ELMO1: variants seen among roughly 807,000 people sequenced by gnomAD.
The protein encoded by ELMO1 is engulfment and cell motility protein 1.
ELMO1 carries 26 observed loss-of-function variants against 98.9 expected under a neutral mutation model. That is an observed-to-expected ratio of 0.26 (90% CI 0.19 to 0.36). The LOEUF is 0.36. Among genes scored for constraint, ELMO1 ranks in the 10% least tolerant of loss-of-function variants. The pLI is 1.00. For missense variants in ELMO1, 627 were observed against 935.2 expected (o/e 0.67, Z 4.30); for synonymous variants, 346 against 346.0 (o/e 1.00, Z 0.00).
intron 13 of ELMO1, among the ~76,000 whole-genome samples, chr7:37,149,253 C>G (rs1278033364): frequency 1.3e-5 from 2 of 152,222 alleles, no homozygotes; most frequent in African/African-American, 4.8e-5. Context: ...AAAAACCTTT[C>G]TCCCTGAAGA....
chr7:37,106,565 C>T (rs1784957918), intron 14 of ELMO1, among the ~76,000 whole-genome samples: 1 of 152,084 alleles, frequency 6.6e-6, no homozygotes, highest in South Asian at 2.1e-4. Context: ...TTATAACTTA[C>T]CCAGTCTAGG....
intron 16 of ELMO1, among the ~76,000 whole-genome samples, chr7:36,976,409 G>A (rs1250418749): frequency 6.6e-6 from 1 of 152,168 alleles, no homozygotes; most frequent in Non-Finnish European, 1.5e-5. Flanking sequence ...GTGAACAGAA[G>A]GTGCTAATAA....
At chr7:37,350,430 G>C (rs1801208278) in intron 1 of ELMO1, among the ~76,000 whole-genome samples, 1 of 152,186 alleles carries the variant, frequency 6.6e-6, no homozygotes, top group Non-Finnish European at 1.5e-5. Context: ...CATCATGAAG[G>C]CTAGGGGACA....
chr7:36,994,655 C>CT (rs1360581394), intron 16 of ELMO1, among the ~76,000 whole-genome samples: 1 of 152,256 alleles, frequency 6.6e-6, no homozygotes, highest in Non-Finnish European at 1.5e-5. Context: ...CTGAGAGGGA[C>CT]TAGGGTGCTC....
chr7:37,279,889 C>T (rs1463654154), intron 4 of ELMO1, among the ~76,000 whole-genome samples: 1 of 152,194 alleles, frequency 6.6e-6, no homozygotes, highest in Admixed American at 6.5e-5. Flanking sequence ...TCCCTGACAA[C>T]CTGCATGACT....
Position 37,088,631 on chromosome 7 carries a change from TC to T in ELMO1, c.1300+7987del, listed in dbSNP as rs200150765. On this transcript the variant is annotated intron_variant, in intron 15 of 21. Transcript: ENST00000310758. ...TAAGGGGCAAGATGAAGGTTAACCA[TC>T]ATGGCAAAAGTCCTCGTATCAACTA... is the stretch of plus-strand genomic sequence containing the variant. Among the ~76,000 whole-genome samples the T allele has an allele frequency of 5.7e-3, 862 of 152,292 alleles. 8 individuals carry two copies. Among genetic ancestry groups the T allele is most frequent in the African/African-American group, 0.02 (825 of 41,548 alleles).
chr7:37,385,079 A>G (rs572407491), intron 1 of ELMO1, among the ~76,000 whole-genome samples: 2 of 152,228 alleles, frequency 1.3e-5, no homozygotes, highest in Non-Finnish European at 1.5e-5. Flanking sequence ...TACCTGCCAC[A>G]TATGCATAAA....
chr7:36,994,565 T>A (rs1792079075), intron 16 of ELMO1, among the ~76,000 whole-genome samples: 1 of 152,246 alleles, frequency 6.6e-6, no homozygotes. Context: ...GCCATGGGGA[T>A]GAGGATATCT....
chr7:37,121,334 A>T (rs1399481119), intron 14 of ELMO1, among the ~76,000 whole-genome samples: 1 of 152,234 alleles, frequency 6.6e-6, no homozygotes, highest in Non-Finnish European at 1.5e-5. Flanking sequence ...TCTGAGCTAA[A>T]GGATGAAGGT....
At chr7:36,892,182 G>A (rs1186087391) in intron 17 of ELMO1, among the ~76,000 whole-genome samples, 1 of 152,192 alleles carries the variant, frequency 6.6e-6, no homozygotes, top group Non-Finnish European at 1.5e-5. Context: ...GCATGGAGCT[G>A]AGGTCTGCCA....
At chr7:36,961,857 G>C (rs1455444563) in intron 16 of ELMO1, among the ~76,000 whole-genome samples, 1 of 152,140 alleles carries the variant, frequency 6.6e-6, no homozygotes, top group Non-Finnish European at 1.5e-5. Context: ...ATGTGGCCAG[G>C]CATGTAAATA....
intron 13 of ELMO1, among the ~76,000 whole-genome samples, chr7:37,138,975 A>C (rs1019885394): frequency 3.9e-5 from 6 of 152,264 alleles, no homozygotes; most frequent in Admixed American, 3.9e-4. Context: ...AACGAAAATC[A>C]TATGATCATC....
chr7:37,000,616 C>T (rs1562887861), intron 16 of ELMO1, among the ~76,000 whole-genome samples: 1 of 152,180 alleles, frequency 6.6e-6, no homozygotes, highest in East Asian at 1.9e-4. Flanking sequence ...TGTGTTCACA[C>T]ATGTGATTCA....
At chr7:36,858,620 A>G (rs183725742) in intron 21 of ELMO1, among the ~76,000 whole-genome samples, 8 of 152,326 alleles carry the variant, frequency 5.3e-5, no homozygotes, top group East Asian at 1.9e-4. Flanking sequence ...GGCAGGCCCA[A>G]TGTAATCCCA....
chr7:37,047,747 C>T (rs1231616372), intron 15 of ELMO1, among the ~76,000 whole-genome samples: 2 of 152,112 alleles, frequency 1.3e-5, no homozygotes, highest in Admixed American at 1.3e-4. Flanking sequence ...ATTTTTAGTA[C>T]ATAAATTATC....
intron 4 of ELMO1, among the ~76,000 whole-genome samples, chr7:37,313,835 A>T (rs1799013275): frequency 6.6e-6 from 1 of 152,170 alleles, no homozygotes; most frequent in South Asian, 2.1e-4. Context: ...AAGACACTGA[A>T]GCCTGAGGCC....
intron 16 of ELMO1, among the ~76,000 whole-genome samples, chr7:37,008,043 T>A (rs1477742577): frequency 1.3e-5 from 2 of 152,252 alleles, no homozygotes; most frequent in Non-Finnish European, 2.9e-5. Context: ...AGATAAAGTT[T>A]CAAGATAGTG....
chr7:37,316,415 G>T (rs1162107955), intron 2 of ELMO1, among the ~76,000 whole-genome samples: 1 of 152,216 alleles, frequency 6.6e-6, no homozygotes, highest in African/African-American at 2.4e-5. Context: ...AATGGAAAAT[G>T]AGGTGTTACG....
At chr7:37,092,287 ACAGCACC>A (rs1784138780) in intron 15 of ELMO1, among the ~76,000 whole-genome samples, 1 of 150,798 alleles carries the variant, frequency 6.6e-6, no homozygotes, top group Non-Finnish European at 1.5e-5. Flanking sequence ...CATTTATGCC[ACAGCACC>A]CTCCTCACCT....
Sources: gnomAD v4.1 joint callset for allele counts (sites outside exome capture counted in the v4.1 genomes callset) on GRCh38, gnomAD v4.1.1 for gene constraint, MANE v1.5 for transcripts, NCBI Gene and HGNC (gene_info 2026-07-23, HGNC 2026-07-21) for gene names.